Variants in GRIK2 observed in about 807,000 individuals in gnomAD.
GRIK2 encodes the protein glutamate receptor ionotropic, kainate 2.
A neutral mutation model predicts 100.3 loss-of-function variants in GRIK2; 32 were observed. That is an observed-to-expected ratio of 0.32 (90% CI 0.24 to 0.43). GRIK2 has a LOEUF of 0.43. Ranked by LOEUF, GRIK2 falls within the 20% of genes least tolerant of loss-of-function variation. The pLI is 1.00. For synonymous variants in GRIK2, 417 were observed against 389.4 expected (o/e 1.07, Z -0.83); for missense variants, 843 against 1,114.9 (o/e 0.76, Z 3.47).
chr6:101,823,745 C>G (rs1435236042), intron 10 of GRIK2, among the ~76,000 whole-genome samples: 1 of 151,758 alleles, frequency 6.6e-6, no homozygotes, highest in Non-Finnish European at 1.5e-5. Flanking sequence ...GGTCTTGTTG[C>G]TGCTGCTGTT....
At chr6:101,426,204 AGT>A (rs1776689725) in intron 2 of GRIK2, among the ~76,000 whole-genome samples, 1 of 152,178 alleles carries the variant, frequency 6.6e-6, no homozygotes. Flanking sequence ...GACCTCTGGG[AGT>A]AAAACCTCAG....
At chr6:101,976,406 G>A (rs1793381476) in intron 14 of GRIK2, among the ~76,000 whole-genome samples, 1 of 151,940 alleles carries the variant, frequency 6.6e-6, no homozygotes. Flanking sequence ...AGTTTAAAGT[G>A]TTCTGTGCAT....
intron 2 of GRIK2, among the ~76,000 whole-genome samples, chr6:101,428,895 TATG>T: frequency 6.6e-6 from 1 of 152,208 alleles, no homozygotes; most frequent in East Asian, 1.9e-4. Context: ...TTCTTTTAAA[TATG>T]TTTTATCATT....
chr6:101,931,424 G>A (rs1481002462), intron 14 of GRIK2, among the ~76,000 whole-genome samples: 4 of 151,972 alleles, frequency 2.6e-5, no homozygotes, highest in Non-Finnish European at 5.9e-5. Context: ...AATTGTTCTG[G>A]AATACTTCCT....
intron 15 of GRIK2, among the ~76,000 whole-genome samples, chr6:102,037,046 A>C (rs544250219): frequency 6.6e-6 from 1 of 151,472 alleles, no homozygotes; most frequent in South Asian, 2.1e-4. Flanking sequence ...TTCTACCAAA[A>C]AATTTAATAT....
intron 2 of GRIK2, among the ~76,000 whole-genome samples, chr6:101,469,920 A>G (rs139435257): frequency 6.6e-6 from 1 of 152,304 alleles, no homozygotes; most frequent in African/African-American, 2.4e-5. Flanking sequence ...AGGTGAGGGC[A>G]GGAGCCCTCT....
At chr6:102,036,243 A>ACG (rs796161266) in intron 15 of GRIK2, among the ~76,000 whole-genome samples, 8 of 151,066 alleles carry the variant, frequency 5.3e-5, no homozygotes, top group African/African-American at 1.9e-4. Context: ...ACACACACAC[A>ACG]CACACACACA....
At chr6:101,561,937 G>GA (rs1249199910) in intron 2 of GRIK2, among the ~76,000 whole-genome samples, 8 of 152,092 alleles carry the variant, frequency 5.3e-5, no homozygotes, top group South Asian at 2.1e-4. Flanking sequence ...ATCTGAGCTA[G>GA]AAAAAATATG....
At chr6:101,618,035 C>T (rs994326090) in intron 2 of GRIK2, among the ~76,000 whole-genome samples, 1 of 151,400 alleles carries the variant, frequency 6.6e-6, no homozygotes, top group African/African-American at 2.4e-5. Flanking sequence ...GTGTGTGTCT[C>T]TGATTAGGAA....
At chr6:101,813,545 AAAAGATAGTTTTGAATAATGACTTTAC>A (rs1478144457) in intron 9 of GRIK2, among the ~76,000 whole-genome samples, 1 of 152,210 alleles carries the variant, frequency 6.6e-6, no homozygotes, top group Non-Finnish European at 1.5e-5. Context: ...TAAGCACAAA[AAAAGATAGTTTTGAATAATGACTTTAC>A]AAATTATATC....
At chr6:101,738,819 T>C (rs1415859283) in intron 7 of GRIK2, among the ~76,000 whole-genome samples, 2 of 152,130 alleles carry the variant, frequency 1.3e-5, no homozygotes, top group Admixed American at 1.3e-4. Context: ...AATCACCCTG[T>C]GTAAAGAACC....
At chr6:101,970,924 C>T (rs1793009985) in intron 14 of GRIK2, among the ~76,000 whole-genome samples, 1 of 150,604 alleles carries the variant, frequency 6.6e-6, no homozygotes, top group African/African-American at 2.5e-5. Context: ...CAATCATTGT[C>T]AATTAATCTT....
intron 14 of GRIK2, among the ~76,000 whole-genome samples, chr6:101,998,277 G>A (rs1475936591): frequency 6.6e-6 from 1 of 152,132 alleles, no homozygotes; most frequent in Non-Finnish European, 1.5e-5. Context: ...GTGGACCACA[G>A]TTGACTGCAG....
intron 15 of GRIK2, among the ~76,000 whole-genome samples, chr6:102,044,441 C>T (rs1453569935): frequency 6.6e-6 from 1 of 152,048 alleles, no homozygotes; most frequent in Non-Finnish European, 1.5e-5. Flanking sequence ...ATTGGACTTA[C>T]ATTTCCACAT....
At chr6:102,058,145 T>C (rs1338685248) in intron 16 of GRIK2, among the ~76,000 whole-genome samples, 3 of 151,884 alleles carry the variant, frequency 2.0e-5, no homozygotes. Context: ...TAAGTCTAGA[T>C]ATCTTCACGC....
intron 14 of GRIK2, among the ~76,000 whole-genome samples, chr6:101,949,013 C>T (rs1030099663): frequency 2.6e-5 from 4 of 152,130 alleles, no homozygotes; most frequent in African/African-American, 9.7e-5. Context: ...TATAAACCCA[C>T]CACTTAAAAT....
At chr6:101,972,392 A>ATGTC (rs1314939292) in intron 14 of GRIK2, among the ~76,000 whole-genome samples, 1 of 151,900 alleles carries the variant, frequency 6.6e-6, no homozygotes, top group Non-Finnish European at 1.5e-5. Context: ...GTCTGCGTGT[A>ATGTC]TGTCTTCTTT....
chr6:101,788,654 A>G (rs1583151041), intron 7 of GRIK2, among the ~76,000 whole-genome samples: 1 of 152,312 alleles, frequency 6.6e-6, no homozygotes, highest in East Asian at 1.9e-4. Flanking sequence ...TATTGTGAAT[A>G]GTGCTGCAAT....
chr6:101,999,750 C>T (rs1794835876), intron 14 of GRIK2, among the ~76,000 whole-genome samples: 3 of 151,884 alleles, frequency 2.0e-5, no homozygotes, highest in African/African-American at 7.2e-5. Flanking sequence ...TTCCTTTTTT[C>T]CTATCAAAGG....
Sources: gnomAD v4.1 joint callset for allele counts (sites outside exome capture counted in the v4.1 genomes callset) on GRCh38, gnomAD v4.1.1 for gene constraint, MANE v1.5 for transcripts, NCBI Gene and HGNC (gene_info 2026-07-23, HGNC 2026-07-21) for gene names.